Variants in KIAA0825 observed in about 807,000 individuals in gnomAD.
KIAA0825 encodes the protein uncharacterized protein KIAA0825.
Under a neutral mutation model 147.6 loss-of-function variants are expected in KIAA0825, and 119 were observed. The observed-to-expected ratio is 0.81, with a 90% CI of 0.69 to 0.94. The LOEUF is 0.94. Ranked by LOEUF, KIAA0825 falls within the 40% of genes least tolerant of loss-of-function variation. The pLI, the probability that KIAA0825 is intolerant of heterozygous loss-of-function variation, is 0.00. For synonymous variants in KIAA0825, 470 were observed against 518.1 expected (o/e 0.91, Z 1.26); for missense variants, 1,381 against 1,472.7 (o/e 0.94, Z 1.02).
At chr5:94,324,664 G>A (rs1396267666) in intron 20 of KIAA0825, among the ~76,000 whole-genome samples, 1 of 151,610 alleles carries the variant, frequency 6.6e-6, no homozygotes, top group South Asian at 2.1e-4. Context: ...TTATTTCATT[G>A]AGAAATTATG....
chr5:94,273,892 A>AAGAT (rs1019842301), intron 20 of KIAA0825, among the ~76,000 whole-genome samples: 124 of 152,288 alleles, frequency 8.1e-4, no homozygotes, highest in African/African-American at 2.7e-3. Context: ...AAATTCACAA[A>AAGAT]AGATATATAC....
chr5:94,353,850 T>C (rs1210429030), intron 20 of KIAA0825, among the ~76,000 whole-genome samples: 1 of 152,224 alleles, frequency 6.6e-6, no homozygotes, highest in Non-Finnish European at 1.5e-5. Context: ...AATATGAGCA[T>C]AGAATATCAT....
At chr5:94,189,711 T>G (rs1359841563) in intron 20 of KIAA0825, among the ~76,000 whole-genome samples, 1 of 152,196 alleles carries the variant, frequency 6.6e-6, no homozygotes, top group Non-Finnish European at 1.5e-5. Flanking sequence ...TCAGGTAATG[T>G]AACCCCTCCA....
intron 20 of KIAA0825, among the ~76,000 whole-genome samples, chr5:94,290,975 C>A (rs942456046): frequency 1.3e-5 from 2 of 151,902 alleles, no homozygotes; most frequent in Admixed American, 6.6e-5. Context: ...CTTTTTGATA[C>A]AGTTGTTTGT....
intron 20 of KIAA0825, among the ~76,000 whole-genome samples, chr5:94,223,327 C>T (rs988181660): frequency 2.0e-5 from 3 of 152,114 alleles, no homozygotes; most frequent in African/African-American, 7.2e-5. Flanking sequence ...TCTGTGGTGC[C>T]ATATCTGAGC....
intron 20 of KIAA0825, among the ~76,000 whole-genome samples, chr5:94,329,483 C>T (rs1781050907): frequency 6.6e-6 from 1 of 151,988 alleles, no homozygotes; most frequent in South Asian, 2.1e-4. Context: ...AATTCTTTGG[C>T]CTTTCTGGTA....
intron 20 of KIAA0825, among the ~76,000 whole-genome samples, chr5:94,186,580 G>A (rs1346993686): frequency 6.6e-6 from 1 of 152,192 alleles, no homozygotes. Context: ...GTAATATTAT[G>A]TACTATATGT....
At chr5:94,419,035 G>C (rs929490817) in intron 14 of KIAA0825, among the ~76,000 whole-genome samples, 1 of 151,992 alleles carries the variant, frequency 6.6e-6, no homozygotes, top group African/African-American at 2.4e-5. Context: ...ACCACACCCA[G>C]CTAATTCTTT....
intron 2 of KIAA0825, among the ~76,000 whole-genome samples, chr5:94,560,928 T>C (rs763756009): frequency 2.0e-5 from 3 of 152,228 alleles, no homozygotes; most frequent in Non-Finnish European, 2.9e-5. Flanking sequence ...CCAAAAACTC[T>C]TGGAATTTCC....
At chr5:94,592,952 T>C (rs1378963686) in intron 1 of KIAA0825, 1 of 567,154 alleles carries the variant, frequency 1.8e-6, no homozygotes, top group South Asian at 1.7e-5. Context: ...AACAAAATCA[T>C]ACTTTCAGAA....
At chr5:94,546,884 C>T (rs1042699738) in intron 2 of KIAA0825, among the ~76,000 whole-genome samples, 1 of 149,094 alleles carries the variant, frequency 6.7e-6, no homozygotes, top group Non-Finnish European at 1.5e-5. Context: ...GCACCAGAGA[C>T]CAATCCTAGA....
chr5:94,549,632 G>C (rs753679385), intron 2 of KIAA0825, among the ~76,000 whole-genome samples: 5 of 152,156 alleles, frequency 3.3e-5, no homozygotes, highest in Non-Finnish European at 5.9e-5. Flanking sequence ...AGAATTGCTT[G>C]AACCCAGGAG....
chr5:94,192,491 T>C (rs1218734579), intron 20 of KIAA0825, among the ~76,000 whole-genome samples: 6 of 152,212 alleles, frequency 3.9e-5, no homozygotes, highest in African/African-American at 1.4e-4. Flanking sequence ...TATAGATTGT[T>C]ATTTTGAGGA....
intron 20 of KIAA0825, among the ~76,000 whole-genome samples, chr5:94,334,790 T>C (rs1307590887): frequency 6.6e-6 from 1 of 152,194 alleles, no homozygotes; most frequent in East Asian, 1.9e-4. Flanking sequence ...GGCCACAAAC[T>C]ACTTTTTAAA....
chr5:94,437,917 G>A (rs1389839893), intron 14 of KIAA0825, among the ~76,000 whole-genome samples: 1 of 152,082 alleles, frequency 6.6e-6, no homozygotes, highest in African/African-American at 2.4e-5. Flanking sequence ...ATCACTGATT[G>A]GCCAAGCACT....
intron 20 of KIAA0825, among the ~76,000 whole-genome samples, chr5:94,349,444 T>C (rs1783387437): frequency 6.6e-6 from 1 of 152,156 alleles, no homozygotes; most frequent in African/African-American, 2.4e-5. Flanking sequence ...TTAACAGATA[T>C]ATACAGAATA....
chr5:94,245,996 C>T (rs1775591367), intron 20 of KIAA0825, among the ~76,000 whole-genome samples: 1 of 152,118 alleles, frequency 6.6e-6, no homozygotes, highest in Admixed American at 6.6e-5. Context: ...GATCTATAAT[C>T]TGTCTTCAAT....
At chr5:94,518,096 T>C (rs1028272930) in intron 5 of KIAA0825, among the ~76,000 whole-genome samples, 3 of 152,116 alleles carry the variant, frequency 2.0e-5, no homozygotes, top group African/African-American at 7.2e-5. Flanking sequence ...TTCTATAATT[T>C]CAGGTAAAAT....
chr5:94,304,412 A>AG (rs913635374), intron 20 of KIAA0825, among the ~76,000 whole-genome samples: 5 of 152,102 alleles, frequency 3.3e-5, no homozygotes, highest in African/African-American at 7.2e-5. Flanking sequence ...ACGGCAGGTG[A>AG]GGGGGGGTGA....
Sources: gnomAD v4.1 joint callset for allele counts (sites outside exome capture counted in the v4.1 genomes callset) on GRCh38, gnomAD v4.1.1 for gene constraint, MANE v1.5 for transcripts, NCBI Gene and HGNC (gene_info 2026-07-23, HGNC 2026-07-21) for gene names.